Variants in PHLDB2 observed in about 807,000 individuals in gnomAD.
PHLDB2 encodes pleckstrin homology-like domain family B member 2.
PHLDB2 carries 71 observed loss-of-function variants against 123.6 expected under a neutral mutation model. That is an observed-to-expected ratio of 0.57 (90% CI 0.47 to 0.70). PHLDB2 has a LOEUF of 0.70. Ranked by LOEUF, PHLDB2 falls within the 30% of genes least tolerant of loss-of-function variation. PHLDB2 has a pLI of 0.00. For synonymous variants in PHLDB2, 547 were observed against 541.6 expected, an observed-to-expected ratio of 1.01 and a Z score of -0.14; for missense variants, 1,446 against 1,519.5, an observed-to-expected ratio of 0.95 and a Z score of 0.80.
At chr3:111,830,955 G>GAGAAATAA (rs2062952508) in intron 1 of PHLDB2, among the ~76,000 whole-genome samples, 1 of 63,676 alleles carries the variant, frequency 1.6e-5, no homozygotes, top group Non-Finnish European at 2.8e-5. Context: ...AAGAAAGAAA[G>GAGAAATAA]AGAAAGAAAG....
At chr3:111,953,655 C>G in intron 11 of PHLDB2, 1 of 310,564 alleles carries the variant, frequency 3.2e-6, no homozygotes, top group Non-Finnish European at 6.1e-6. Flanking sequence ...TTCAGCCATT[C>G]TTTCAGGTGA....
At chr3:111,774,582 G>T (rs1259445829) in intron 1 of PHLDB2, among the ~76,000 whole-genome samples, 3 of 152,104 alleles carry the variant, frequency 2.0e-5, no homozygotes, top group Non-Finnish European at 4.4e-5. Context: ...GGTTTTCATG[G>T]TTTTTTTCTG....
At chr3:111,953,468 A>G (rs1362980406) in intron 11 of PHLDB2, among the ~76,000 whole-genome samples, 2 of 152,200 alleles carry the variant, frequency 1.3e-5, no homozygotes, top group African/African-American at 4.8e-5. Context: ...CTATTTTTAA[A>G]AAATGCTAAA....
intron 3 of PHLDB2, chr3:111,916,907 A>T (rs1423649121): frequency 6.6e-6 from 1 of 152,240 alleles, no homozygotes; most frequent in East Asian, 1.9e-4. Context: ...TTATTAAAAC[A>T]TGTCACTGTT....
At position 111,859,568 on chromosome 3, in the gene PHLDB2, A is replaced by C. The variant is rs1296885394; in HGVS notation, c.-23A>C. 2 of 985,412 alleles carry C rather than the reference A, an allele frequency of 2.0e-6. No homozygotes were observed. The highest frequency in any genetic ancestry group is 3.5e-5 in the African/African-American group (2 of 57,224). The allele number at this position is 985,412 out of a possible 1,614,324, so 61.0% of individuals were successfully genotyped here. A position where few individuals can be genotyped will look rare whatever the true frequency, so the allele number is the denominator to read the frequency against. On this transcript the variant is annotated 5_prime_UTR_variant, in exon 1 of 18. Coordinates refer to ENST00000431670, the MANE Select transcript of PHLDB2 (RefSeq NM_001134438.2). The stretch of plus-strand genomic sequence containing the variant: ...CTCGCCGCCGGGAACGGGCTGCACC[A>C]ATGGCCAGGTGAGGAGGCGGCGGTG...
intron 1 of PHLDB2, among the ~76,000 whole-genome samples, chr3:111,800,715 T>C (rs180918161): frequency 2.1e-3 from 323 of 152,316 alleles, no homozygotes; most frequent in African/African-American, 7.3e-3. Flanking sequence ...TTAACTAAGA[T>C]GCAGTACCTG....
At chr3:111,968,474 T>C (rs1328449826) in intron 15 of PHLDB2, among the ~76,000 whole-genome samples, 1 of 152,246 alleles carries the variant, frequency 6.6e-6, no homozygotes, top group Non-Finnish European at 1.5e-5. Context: ...ATCTCTGTTC[T>C]TGTCACTATA....
chr3:111,767,076 G>A (rs2060097475), intron 1 of PHLDB2, among the ~76,000 whole-genome samples: 1 of 137,422 alleles, frequency 7.3e-6, no homozygotes, highest in Non-Finnish European at 1.6e-5. Flanking sequence ...CAGTATTAAA[G>A]CAAAGGAGTC....
At chr3:111,779,088 T>A (rs1419064044) in intron 1 of PHLDB2, among the ~76,000 whole-genome samples, 1 of 151,986 alleles carries the variant, frequency 6.6e-6, no homozygotes, top group Admixed American at 6.6e-5. Flanking sequence ...AGTTTCTGAC[T>A]CGGTAGGTCT....
intron 12 of PHLDB2, chr3:111,958,841 C>T: frequency 2.4e-6 from 1 of 420,556 alleles, no homozygotes. Context: ...AATCTTGTTT[C>T]TTTGCTCCCC....
At chr3:111,808,080 G>A (rs975725871) in intron 1 of PHLDB2, among the ~76,000 whole-genome samples, 15 of 151,662 alleles carry the variant, frequency 9.9e-5, no homozygotes, top group East Asian at 1.9e-4. Context: ...TGATTTCATC[G>A]GTCTGGAAAG....
chr3:111,898,993 A>G (rs2067036842), intron 2 of PHLDB2, among the ~76,000 whole-genome samples: 1 of 152,212 alleles, frequency 6.6e-6, no homozygotes, highest in Non-Finnish European at 1.5e-5. Flanking sequence ...CTGAACCAAA[A>G]TGTATTTAAT....
chr3:111,943,302 A>AAT (rs2070041639), intron 8 of PHLDB2, among the ~76,000 whole-genome samples: 1 of 152,192 alleles, frequency 6.6e-6, no homozygotes, highest in Non-Finnish European at 1.5e-5. Flanking sequence ...CAAAGAAATG[A>AAT]TGCTGGATCA....
chr3:111,847,601 G>A (rs2108589333), intron 2 of PHLDB2, among the ~76,000 whole-genome samples: 1 of 152,228 alleles, frequency 6.6e-6, no homozygotes, highest in East Asian at 1.9e-4. Flanking sequence ...TCTTGGATTT[G>A]ATACTTCCAG....
intron 2 of PHLDB2, among the ~76,000 whole-genome samples, chr3:111,895,886 A>ATCTG (rs1309554216): frequency 6.6e-6 from 1 of 151,802 alleles, no homozygotes; most frequent in Non-Finnish European, 1.5e-5. Flanking sequence ...CTATCTATCT[A>ATCTG]TCTATCTATC....
At position 111,902,186 on chromosome 3, in the gene PHLDB2, C is replaced by G. The variant is rs1279453498; in HGVS notation, c.1336-11133C>G. Among the ~76,000 whole-genome samples, 2 of 152,054 alleles carry G rather than the reference C, an allele frequency of 1.3e-5. 1 individual carries two copies. The highest frequency in any genetic ancestry group is 2.9e-5 in the Non-Finnish European group (2 of 68,026). Reference sequence around the variant, plus strand: ...TGGTCAGAGATTTACTTGCATCTGCCTAACAAAATGCTGAGGTGGAAAAAA... The same window carrying G: ...TGGTCAGAGATTTACTTGCATCTGCGTAACAAAATGCTGAGGTGGAAAAAA... On this transcript the variant is annotated intron_variant, in intron 2 of 17. Coordinates refer to ENST00000431670, the MANE Select transcript of PHLDB2 (RefSeq NM_001134438.2).
chr3:111,928,663 C>T (rs1302977824), intron 5 of PHLDB2, among the ~76,000 whole-genome samples: 1 of 152,158 alleles, frequency 6.6e-6, no homozygotes, highest in Non-Finnish European at 1.5e-5. Context: ...ATTTTATAAA[C>T]TGATTTCTAC....
intron 1 of PHLDB2, among the ~76,000 whole-genome samples, chr3:111,800,709 C>T (rs984430088): frequency 5.9e-5 from 9 of 152,136 alleles, no homozygotes; most frequent in Admixed American, 5.2e-4. Context: ...TACACGTTAA[C>T]TAAGATGCAG....
chr3:111,808,831 A>T (rs985931748), intron 1 of PHLDB2, among the ~76,000 whole-genome samples: 2 of 152,138 alleles, frequency 1.3e-5, no homozygotes, highest in Non-Finnish European at 2.9e-5. Flanking sequence ...AGTTACTATG[A>T]TTCACTGGTT....
Sources: gnomAD v4.1 joint callset for allele counts (sites outside exome capture counted in the v4.1 genomes callset) on GRCh38, gnomAD v4.1.1 for gene constraint, MANE v1.5 for transcripts, NCBI Gene and HGNC (gene_info 2026-07-23, HGNC 2026-07-21) for gene names.